Variants in SMARCAL1 observed in about 807,000 individuals in gnomAD.
SMARCAL1 encodes the protein SNF2 related chromatin remodeling annealing helicase 1, also known as ATP-driven annealing helicase.
SMARCAL1 carries 58 observed loss-of-function variants against 94.5 expected under a neutral mutation model. The observed-to-expected ratio is 0.61, with a 90% confidence interval of 0.50 to 0.76. The LOEUF is 0.76. SMARCAL1 is among the 30% of genes least tolerant of loss of function. The pLI is 0.00. For synonymous variants in SMARCAL1, 422 were observed against 455.1 expected (o/e 0.93, Z 0.93); for missense variants, 1,051 against 1,177.9 (o/e 0.89, Z 1.58).
Position 216,482,701 on chromosome 2 carries a change from TCTTC to T in SMARCAL1, c.2626-33_2626-30del. On this transcript the variant is annotated intron_variant, in intron 17 of 17. Transcript: ENST00000357276. The surrounding 1 kb of genome is among the most constrained non-coding windows in gnomAD (Gnocchi z 4.3). ...GGAGAGTCAGTGTTGGAGCCTGGGC[TCTTC>T]CTTTTATCTTTTGTTTTCTTTCTCT... 6.2e-7 allele frequency: 1 copy of T among 1,614,144 alleles called. No individual in the cohort carries two copies. The highest frequency in any genetic ancestry group is 1.1e-5 in the South Asian group (1 of 91,050).
chr2:216,443,159 A>G (rs1694234537), intron 10 of SMARCAL1, among the ~76,000 whole-genome samples: 1 of 152,132 alleles, frequency 6.6e-6, no homozygotes, highest in Non-Finnish European at 1.5e-5. Context: ...TGGGCAGATC[A>G]CTTGAGGTCA....
chr2:216,433,956 T>G (rs545575390), intron 8 of SMARCAL1, among the ~76,000 whole-genome samples: 2 of 150,376 alleles, frequency 1.3e-5, no homozygotes, highest in African/African-American at 4.9e-5. Flanking sequence ...GTGCACCTTG[T>G]TTTTTTTCTG....
At chr2:216,444,497 CTTAATTTTATTTTTTAT>C (rs1458040470) in intron 10 of SMARCAL1, among the ~76,000 whole-genome samples, 2 of 151,860 alleles carry the variant, frequency 1.3e-5, no homozygotes, top group African/African-American at 2.4e-5. Context: ...TCTCTTGGCT[CTTAATTTTATTTTTTAT>C]TTAATTTTAT....
chr2:216,431,421 C>T (rs1431257577), intron 7 of SMARCAL1, among the ~76,000 whole-genome samples: 1 of 152,196 alleles, frequency 6.6e-6, no homozygotes, highest in Non-Finnish European at 1.5e-5. Context: ...AGACATCTGG[C>T]ACTTGGGATC....
intron 14 of SMARCAL1, among the ~76,000 whole-genome samples, chr2:216,470,234 T>C (rs188765321): frequency 6.6e-6 from 1 of 152,270 alleles, no homozygotes; most frequent in East Asian, 1.9e-4. Flanking sequence ...CACTATAGCC[T>C]CCGCCTCCTG....
chr2:216,467,637 A>G (rs912882754), intron 13 of SMARCAL1, among the ~76,000 whole-genome samples: 3 of 152,182 alleles, frequency 2.0e-5, no homozygotes, highest in African/African-American at 7.2e-5. Flanking sequence ...TTTGAGGTCT[A>G]AAGTGGGAGG....
chr2:216,457,080 T>A (rs1187776568), intron 12 of SMARCAL1, among the ~76,000 whole-genome samples: 1 of 151,840 alleles, frequency 6.6e-6, no homozygotes, highest in Admixed American at 6.6e-5. Context: ...CCAACAAAGA[T>A]CAAAAGAGAC....
At position 216,477,226 on chromosome 2, in the gene SMARCAL1, T is replaced by C; in HGVS notation, c.2528+17T>C. 6 of 1,553,356 alleles carry C rather than the reference T, an allele frequency of 3.9e-6. No homozygotes were observed. The highest frequency in any genetic ancestry group is 5.3e-6 in the Non-Finnish European group (6 of 1,141,322). On this transcript the variant is annotated intron_variant, in intron 16 of 17. Transcript: ENST00000357276. ...CTACCTTTGGTATGGCTTGGTTGGG[T>C]GGCCTGGCAGTTGGAGTCGAGCAAG... is the stretch of plus-strand genomic sequence containing the variant.
Position 216,446,067 on chromosome 2 carries a change from G to A in SMARCAL1, c.1711-951G>A, listed in dbSNP as rs184028. Reference sequence around the variant, plus strand: ...TTCCCAGAGCTGAAGTGAATTTTACGTCCAGTAATTTGTAGTGATTCTGTG... The same window carrying A: ...TTCCCAGAGCTGAAGTGAATTTTACATCCAGTAATTTGTAGTGATTCTGTG... On this transcript the variant is annotated intron_variant, in intron 10 of 17. Transcript: ENST00000357276. 3.2e-3 allele frequency among the ~76,000 whole-genome samples: 481 copies of A among 152,036 alleles called. 3 individuals carry two copies. Among genetic ancestry groups the A allele is most frequent in the Admixed American group, 9.4e-3 (143 of 15,288 alleles).
At chr2:216,481,279 G>A (rs1197140829) in intron 17 of SMARCAL1, among the ~76,000 whole-genome samples, 23 of 151,694 alleles carry the variant, frequency 1.5e-4, no homozygotes, top group East Asian at 5.8e-4. Flanking sequence ...TGCAACCTCC[G>A]CCTCCCAGGC....
chr2:216,476,323 T>TC (rs1553534928), intron 15 of SMARCAL1, among the ~76,000 whole-genome samples: 3 of 151,652 alleles, frequency 2.0e-5, no homozygotes, highest in Admixed American at 2.0e-4. Flanking sequence ...GTTTTTTTTT[T>TC]CTTTTGCTTT....
rs751352496 is a variant in SMARCAL1 at position 216,475,463 on chromosome 2, A to G, written c.2427+12A>G. 2.0e-5 allele frequency: 32 copies of G among 1,613,862 alleles called. No homozygotes were observed. The highest frequency in any genetic ancestry group is 2.5e-5 in the Non-Finnish European group (29 of 1,179,818). Reference sequence around the variant, plus strand: ...TTTGGAACCCAGGGGTAAGAGACGCAGAAGACTCAGATACTCCCCAGGCAT... The same window carrying G: ...TTTGGAACCCAGGGGTAAGAGACGCGGAAGACTCAGATACTCCCCAGGCAT... On this transcript the variant is annotated intron_variant, in intron 15 of 17. Transcript: ENST00000357276. This position sits in a 1 kb window ranked among gnomAD's most constrained non-coding sequence, Gnocchi z 4.4.
At chr2:216,449,627 G>A (rs1161193260) in intron 11 of SMARCAL1, among the ~76,000 whole-genome samples, 1 of 152,062 alleles carries the variant, frequency 6.6e-6, no homozygotes, top group African/African-American at 2.4e-5. Flanking sequence ...CACCTATTCT[G>A]TCTCCACTAT....
chr2:216,450,631 T>G (rs558992468), intron 11 of SMARCAL1, among the ~76,000 whole-genome samples: 3 of 152,304 alleles, frequency 2.0e-5, no homozygotes, highest in African/African-American at 7.2e-5. Context: ...ATGATAGGTG[T>G]TTTTTATTCA....
At chr2:216,468,781 C>A (rs772827882) in intron 14 of SMARCAL1, among the ~76,000 whole-genome samples, 19 of 152,154 alleles carry the variant, frequency 1.2e-4, no homozygotes, top group Non-Finnish European at 2.4e-4. Context: ...AGTGCAGTGG[C>A]AGGATCTCAG....
intron 3 of SMARCAL1, 76 bp downstream of exon 3, chr2:216,415,591 A>C: frequency 5.0e-5 from 67 of 1,331,452 alleles, no homozygotes; most frequent in Non-Finnish European, 6.6e-5. Context: ...ACAGTTTCTC[A>C]TAAATATTAA....
chr2:216,454,080 A>G (rs755625), intron 12 of SMARCAL1, among the ~76,000 whole-genome samples: 36,585 of 152,216 alleles, frequency 0.24, 5,425 homozygotes, highest in Non-Finnish European at 0.32. Context: ...TGGTAACAAT[A>G]TCAGTTCACC....
chr2:216,423,614 T>G lies in SMARCAL1; in HGVS notation c.1097-19T>G, dbSNP rs750917119. 2.5e-6 allele frequency: 4 copies of G among 1,610,816 alleles called. No individual in the cohort carries two copies. In the South Asian group the frequency reaches 4.4e-5, roughly 18 times the overall value. On this transcript the variant is annotated intron_variant, in intron 5 of 17. Coordinates refer to ENST00000357276, the MANE Select transcript of SMARCAL1 (RefSeq NM_014140.4). ...AGGGCAGGGTGTCCTATTTGCTTAT[T>G]TATTTCTTGTCATTGCAGATGTCAA...
intron 12 of SMARCAL1, among the ~76,000 whole-genome samples, chr2:216,451,764 A>C (rs922662853): frequency 6.6e-6 from 1 of 152,202 alleles, no homozygotes; most frequent in African/African-American, 2.4e-5. Flanking sequence ...CTTTAGTGTC[A>C]TACTGTGCTA....
Sources: gnomAD v4.1 joint callset for allele counts (sites outside exome capture counted in the v4.1 genomes callset) on GRCh38, gnomAD v4.1.1 for gene constraint, Gnocchi (gnomAD v3.1) non-coding constraint, MANE v1.5 for transcripts, NCBI Gene and HGNC (gene_info 2026-07-23, HGNC 2026-07-21) for gene names.